The following KCTD8 variants were observed in gnomAD, a reference collection of about 807,000 sequenced individuals.
The protein encoded by KCTD8 is potassium channel tetramerization domain containing 8.
KCTD8 carries 27 observed loss-of-function variants against 31.5 expected under a neutral mutation model. That is an observed-to-expected ratio of 0.86 (90% CI 0.63 to 1.18). KCTD8 has a LOEUF of 1.18. KCTD8 is among the 50% of genes most tolerant of loss of function. The probability of loss-of-function intolerance (pLI) is 0.00; values close to 1 mark genes in which losing one functional copy is unlikely to be tolerated. For missense variants in KCTD8, 658 were observed against 647.7 expected, an observed-to-expected ratio of 1.02 and a Z score of -0.17; for synonymous variants, 290 against 280.0, an observed-to-expected ratio of 1.04 and a Z score of -0.36.
intron 1 of KCTD8, among the ~76,000 whole-genome samples, chr4:44,412,575 C>T (rs936916631): frequency 4.6e-5 from 7 of 152,262 alleles, no homozygotes; most frequent in African/African-American, 1.4e-4. Context: ...GAATGCATCA[C>T]ATCTACTAGG....
chr4:44,342,118 T>G (rs2109419079), intron 1 of KCTD8, among the ~76,000 whole-genome samples: 1 of 152,228 alleles, frequency 6.6e-6, no homozygotes, highest in African/African-American at 2.4e-5. Context: ...ATGCCTGTAA[T>G]CCCAGCATTT....
chr4:44,215,928 T>C (rs1489262484), intron 1 of KCTD8, among the ~76,000 whole-genome samples: 1 of 152,116 alleles, frequency 6.6e-6, no homozygotes, highest in Non-Finnish European at 1.5e-5. Flanking sequence ...AAAAAGTACC[T>C]AAAGGCTAAA....
At chr4:44,320,001 G>A (rs1458945508) in intron 1 of KCTD8, among the ~76,000 whole-genome samples, 5 of 151,400 alleles carry the variant, frequency 3.3e-5, no homozygotes, top group African/African-American at 1.2e-4. Context: ...GTGAAACCCC[G>A]TCTCTACTAA....
intron 1 of KCTD8, among the ~76,000 whole-genome samples, chr4:44,208,411 G>C (rs1379612759): frequency 2.0e-5 from 3 of 152,096 alleles, no homozygotes; most frequent in Non-Finnish European, 4.4e-5. Context: ...CCCTCAGACT[G>C]CATCCTAATG....
At chr4:44,378,784 T>C (rs1719984134) in intron 1 of KCTD8, among the ~76,000 whole-genome samples, 1 of 152,168 alleles carries the variant, frequency 6.6e-6, no homozygotes, top group Non-Finnish European at 1.5e-5. Flanking sequence ...CAGTTATAAA[T>C]TACAATAAAC....
intron 1 of KCTD8, among the ~76,000 whole-genome samples, chr4:44,316,985 A>G (rs1224264942): frequency 3.3e-5 from 5 of 150,184 alleles, no homozygotes; most frequent in African/African-American, 1.2e-4. Context: ...CTCAGCAACA[A>G]CAACAACAAA....
intron 1 of KCTD8, among the ~76,000 whole-genome samples, chr4:44,337,131 CTG>C (rs1304304244): frequency 2.0e-5 from 3 of 152,056 alleles, no homozygotes; most frequent in Admixed American, 6.6e-5. Context: ...CAATTATAAA[CTG>C]TATTTTTGTT....
intron 1 of KCTD8, among the ~76,000 whole-genome samples, chr4:44,410,000 A>C (rs1291791052): frequency 6.6e-6 from 1 of 152,210 alleles, no homozygotes; most frequent in Non-Finnish European, 1.5e-5. Flanking sequence ...CTTTATCAGT[A>C]AAACAATAAA....
At chr4:44,345,651 T>C (rs1719016743) in intron 1 of KCTD8, among the ~76,000 whole-genome samples, 1 of 152,172 alleles carries the variant, frequency 6.6e-6, no homozygotes, top group South Asian at 2.1e-4. Flanking sequence ...AGCATACATA[T>C]TGACCAAACT....
At chr4:44,387,439 C>G (rs1169926250) in intron 1 of KCTD8, among the ~76,000 whole-genome samples, 5 of 151,918 alleles carry the variant, frequency 3.3e-5, no homozygotes, top group African/African-American at 1.2e-4. Flanking sequence ...AAGAACAAAG[C>G]TGGAGACATT....
chr4:44,309,387 C>A (rs1717889247), intron 1 of KCTD8, among the ~76,000 whole-genome samples: 1 of 151,968 alleles, frequency 6.6e-6, no homozygotes, highest in Non-Finnish European at 1.5e-5. Context: ...TGTTTGTACT[C>A]CTAAATTAAT....
intron 1 of KCTD8, among the ~76,000 whole-genome samples, chr4:44,186,318 C>G (rs113870897): frequency 6.6e-6 from 1 of 152,192 alleles, no homozygotes; most frequent in Non-Finnish European, 1.5e-5. Flanking sequence ...GCAAAAAACA[C>G]CTTTCCACTG....
chr4:44,411,694 C>CTA (rs1437333487), intron 1 of KCTD8, among the ~76,000 whole-genome samples: 6 of 151,822 alleles, frequency 4.0e-5, no homozygotes, highest in African/African-American at 1.2e-4. Flanking sequence ...GTAGGGTGGA[C>CTA]CCTTATTCCA....
chr4:44,293,904 A>C, intron 1 of KCTD8: 1 of 393,346 alleles, frequency 2.5e-6, no homozygotes, highest in Non-Finnish European at 5.1e-6. Flanking sequence ...AGAATGAGAT[A>C]ATTCCATTTA....
chr4:44,251,706 C>A (rs947229404), intron 1 of KCTD8, among the ~76,000 whole-genome samples: 5 of 150,982 alleles, frequency 3.3e-5, no homozygotes, highest in Admixed American at 6.6e-5. Flanking sequence ...TAACATTTCT[C>A]CATTAAGAAT....
At chr4:44,430,390 A>G (rs1316945385) in intron 1 of KCTD8, among the ~76,000 whole-genome samples, 4 of 151,762 alleles carry the variant, frequency 2.6e-5, no homozygotes, top group Non-Finnish European at 5.9e-5. Context: ...CAAAAGACAG[A>G]TGGATTGAAA....
At chr4:44,324,170 G>T (rs1718383994) in intron 1 of KCTD8, among the ~76,000 whole-genome samples, 1 of 151,868 alleles carries the variant, frequency 6.6e-6, no homozygotes, top group South Asian at 2.1e-4. Context: ...TTTAATGGCA[G>T]GATAGGCCAG....
At chr4:44,342,924 G>A (rs7689563) in intron 1 of KCTD8, among the ~76,000 whole-genome samples, 18,238 of 152,198 alleles carry the variant, frequency 0.12, 1,310 homozygotes, top group East Asian at 0.25. Flanking sequence ...AACTAAATAA[G>A]GGCCTTGCTC....
intron 1 of KCTD8, among the ~76,000 whole-genome samples, chr4:44,265,812 A>G (rs1405952621): frequency 6.6e-6 from 1 of 152,216 alleles, no homozygotes; most frequent in Admixed American, 6.5e-5. Context: ...GATGAAATGA[A>G]TGAAATGAAG....
Sources: gnomAD v4.1 joint callset for allele counts (sites outside exome capture counted in the v4.1 genomes callset) on GRCh38, gnomAD v4.1.1 for gene constraint, MANE v1.5 for transcripts, NCBI Gene and HGNC (gene_info 2026-07-23, HGNC 2026-07-21) for gene names.